Variants in GPRASP1 observed in about 807,000 individuals in gnomAD.
GPRASP1 encodes G protein-coupled receptor-associated sorting protein 1.
GPRASP1 carries 28 observed loss-of-function variants against 68.4 expected under a neutral mutation model. The ratio of observed to expected loss-of-function variants is 0.41; its 90% CI spans 0.30 to 0.56. GPRASP1 has a LOEUF of 0.56. Ranked by LOEUF, GPRASP1 falls within the 20% of genes least tolerant of loss-of-function variation. GPRASP1 has a pLI of 0.29. For synonymous variants in GPRASP1, 304 were observed against 358.2 expected, an observed-to-expected ratio of 0.85 and a Z score of 1.71; for missense variants, 913 against 1,031.5, an observed-to-expected ratio of 0.89 and a Z score of 1.57.
rs1040955075 is a variant in GPRASP1, at chrX:102,652,575, C to A, written c.-480-256C>A. 2.6e-5 allele frequency among the ~76,000 whole-genome samples: 3 copies of A among 113,264 alleles called. No individual in the cohort carries two copies. In the Admixed American group the frequency reaches 2.8e-4, roughly 10 times the overall value. On this transcript the variant is annotated intron_variant, in intron 3 of 5. Coordinates refer to ENST00000537097, the MANE Select transcript of GPRASP1 (RefSeq NM_001184727.2). ...TGCTGCGCAGAGCAAGGGGATGTGG[C>A]GCACCTAGTGGTGAATCCTCAGAAT...
In GPRASP1 at chrX:102,657,635, G is replaced by T. The variant is rs201982508; in HGVS notation, c.3722G>T (p.Cys1241Phe). The T allele has an allele frequency of 3.9e-5, 47 of 1,209,613 alleles. No individual in the cohort carries two copies. The highest frequency in any genetic ancestry group is 5.1e-5 in the Non-Finnish European group (46 of 894,604). ...NIIQTYICKVCEETLAYSVDS... is the reference protein window; with the variant it reads ...NIIQTYICKVFEETLAYSVDS... ...ATTCAGACATACATATGTAAAGTGTGTGAGGAAACCCTTGCTTATAGCGTG... is the reference window on the plus strand; with the variant it reads ...ATTCAGACATACATATGTAAAGTGTTTGAGGAAACCCTTGCTTATAGCGTG... Residue 1241 changes from cysteine (C) to phenylalanine (F), a missense_variant, in exon 6 of 6, where the codon TGT becomes TTT. By Grantham distance (205) the Cys-to-Phe change is radical (BLOSUM62 -2). Coordinates refer to ENST00000537097, the MANE Select transcript of GPRASP1 (RefSeq NM_001184727.2).
rs2081443021 is a variant in GPRASP1 at position 102,658,847 on chromosome X, A to G, written c.*746A>G. ...CAACTGCTGCTTCCATACTACCTAA[A>G]GGGCAAAAGAATAAGACAGGAAAGC... On this transcript the variant is annotated 3_prime_UTR_variant, in exon 6 of 6. Transcript: ENST00000537097. 1 of 122,950 alleles carries G rather than the reference A, an allele frequency of 8.1e-6. No homozygotes were observed. Among genetic ancestry groups the G allele is most frequent in the African/African-American group, 3.3e-5 (1 of 30,712 alleles). The allele number at this position is 122,950 out of a possible 1,213,427, so 10.1% of individuals were successfully genotyped here. A position where few individuals can be genotyped will look rare whatever the true frequency, so the allele number is the denominator to read the frequency against.
Position 102,655,659 on chromosome X carries a change from C to G in GPRASP1, c.1746C>G (p.Ser582=), listed in dbSNP as rs763359790. 8.3e-7 allele frequency: 1 copy of G among 1,211,145 alleles called. No homozygotes were observed. Among genetic ancestry groups the G allele is most frequent in the Non-Finnish European group, 1.1e-6 (1 of 895,292 alleles). The change falls in exon 6 of 6, where the codon TCC becomes TCG. Residue 582 remains serine (S), a synonymous_variant. Coordinates refer to ENST00000537097, the MANE Select transcript of GPRASP1 (RefSeq NM_001184727.2). ...CTGAAGAAGAGACAATATTCGGGTC[C>G]TGGTTTTGGGCTGAAAACCAGACCT... ...PGAEEETIFG[S]WFWAENQTYM...
chrX:102,653,768 G>C lies in GPRASP1; in HGVS notation c.-146G>C. 2.0e-6 allele frequency: 1 copy of C among 509,073 alleles called. No homozygotes were observed. Among genetic ancestry groups the C allele is most frequent in the Non-Finnish European group, 3.4e-6 (1 of 291,001 alleles). The allele number at this position is 509,073 out of a possible 1,213,427, so 42.0% of individuals were successfully genotyped here. On this transcript the variant is annotated 5_prime_UTR_variant, in exon 6 of 6. Coordinates refer to ENST00000537097, the MANE Select transcript of GPRASP1 (RefSeq NM_001184727.2). ...AGGAGGCTGAGTGACTACTGGACTGGATATTGACTCTAACTCTTGTTTCCA... is the reference window on the plus strand; with the variant it reads ...AGGAGGCTGAGTGACTACTGGACTGCATATTGACTCTAACTCTTGTTTCCA...
Position 102,655,255 on chromosome X carries a change from G to C in GPRASP1, c.1342G>C (p.Gly448Arg). Residue 448 changes from glycine (G) to arginine (R), a missense_variant, in exon 6 of 6, where the codon GGG becomes CGG. Transcript: ENST00000537097. ...CTGGACTGAAGAAGAGGCCAGTATG[G>C]GGACTGGGGCTAGCAGTAAATCCAG... is the stretch of plus-strand genomic sequence containing the variant. ...WFWTEEEASMGTGASSKSRPR... is the reference protein window; with the variant it reads ...WFWTEEEASMRTGASSKSRPR... 2 of 1,211,781 alleles carry C rather than the reference G, an allele frequency of 1.7e-6. No individual in the cohort carries two copies. Among genetic ancestry groups the C allele is most frequent in the Non-Finnish European group, 2.2e-6 (2 of 895,223 alleles).
At chrX:102,652,931 G>C (rs1356219799) in intron 4 of GPRASP1, 33 bp downstream of exon 4, 3 of 111,637 alleles carry the variant, frequency 2.7e-5, no homozygotes, top group Non-Finnish European at 3.8e-5. Context: ...CAATTCAGGG[G>C]ACAGTTGGAG....
At position 102,655,300 on chromosome X, in the gene GPRASP1, C is replaced by T. The variant is rs753112472; in HGVS notation, c.1387C>T (p.Arg463Cys). 11 of 1,211,264 alleles carry T rather than the reference C, an allele frequency of 9.1e-6. No homozygotes were observed. The highest frequency in any genetic ancestry group is 1.2e-5 in the Non-Finnish European group (11 of 895,216). Residue 463 changes from arginine to cysteine, a missense_variant, in exon 6 of 6, where the codon CGT (arginine) becomes TGT (cysteine). Arg to Cys is a radical substitution (Grantham distance 180). Coordinates refer to ENST00000537097, the MANE Select transcript of GPRASP1 (RefSeq NM_001184727.2). ...ATCCAGACCAAGGACTGATGGGGAGCGTATTGGTGATTCCTTATTTGGGGC... is the reference window on the plus strand; with the variant it reads ...ATCCAGACCAAGGACTGATGGGGAGTGTATTGGTGATTCCTTATTTGGGGC... Reference protein sequence around the residue: ...SKSRPRTDGERIGDSLFGARE... With the variant: ...SKSRPRTDGECIGDSLFGARE...
At position 102,654,951 on chromosome X, in the gene GPRASP1, G is replaced by A. The variant is rs1313235136; in HGVS notation, c.1038G>A (p.Gly346=). ...AAGCTTGCATTGATTTCATGCCTGGGTCTATAGATGTAATTAAAAAAGAGT... is the reference window on the plus strand; with the variant it reads ...AAGCTTGCATTGATTTCATGCCTGGATCTATAGATGTAATTAAAAAAGAGT... ...KREACIDFMP[G]SIDVIKKESC... Residue 346 remains glycine, a synonymous_variant, in exon 6 of 6, where the codon GGG becomes GGA. Transcript: ENST00000537097. 8.3e-7 allele frequency: 1 copy of A among 1,210,740 alleles called. No homozygotes were observed.
rs1390849464 is a variant in GPRASP1 at position 102,655,867 on chromosome X, G to A, written c.1954G>A (p.Val652Ile). The stretch of plus-strand genomic sequence containing the variant: ...ACCATGTTTTGGAGCCAAAGAAGAG[G>A]TCAGTATGAAGCATGGGACTGGTGT... Reference protein sequence around the residue: ...MIPCFGAKEEVSMKHGTGVRC... With the variant: ...MIPCFGAKEEISMKHGTGVRC... The change falls in exon 6 of 6, where the codon GTC (valine) becomes ATC (isoleucine). Residue 652 changes from valine to isoleucine, a missense_variant. Physicochemically the swap from Val to Ile is conservative, Grantham distance 29. Transcript: ENST00000537097. 8.3e-7 allele frequency: 1 copy of A among 1,211,655 alleles called. No individual in the cohort carries two copies. Among genetic ancestry groups the A allele is most frequent in the Middle Eastern group, 2.3e-4 (1 of 4,354 alleles).
intron 3 of GPRASP1, among the ~76,000 whole-genome samples, 159 bp from the exon 4 acceptor site, chrX:102,652,672 G>A (rs904278884): frequency 8.9e-6 from 1 of 112,939 alleles, no homozygotes; most frequent in Non-Finnish European, 1.9e-5. Flanking sequence ...TTGAAGCAGG[G>A]CCTAAACAAA....
rs377120948 is a variant in GPRASP1, at chrX:102,657,628, A to G, written c.3715A>G (p.Lys1239Glu). Residue 1239 changes from lysine to glutamate, a missense_variant, in exon 6 of 6, where the codon AAA (lysine) becomes GAA (glutamate). Lys to Glu is a moderately conservative substitution (Grantham distance 56). Transcript: ENST00000537097. Reference protein sequence around the residue: ...NLNIIQTYICKVCEETLAYSV... With the variant: ...NLNIIQTYICEVCEETLAYSV... ...AAACATAATTCAGACATACATATGTAAAGTGTGTGAGGAAACCCTTGCTTA... is the reference window on the plus strand; with the variant it reads ...AAACATAATTCAGACATACATATGTGAAGTGTGTGAGGAAACCCTTGCTTA... The G allele has an allele frequency of 8.3e-7, 1 of 1,210,816 alleles. No homozygotes were observed. The highest frequency in any genetic ancestry group is 2.2e-5 in the Admixed American group (1 of 46,082).
At position 102,655,613 on chromosome X, in the gene GPRASP1, G is replaced by A; in HGVS notation, c.1700G>A (p.Gly567Glu). Residue 567 changes from glycine (G) to glutamate (E), a missense_variant, in exon 6 of 6, where the codon GGA becomes GAA. Coordinates refer to ENST00000537097, the MANE Select transcript of GPRASP1 (RefSeq NM_001184727.2). ...GEQVDIEAGI[G>E]EEARPGAEEE... is the part of the protein sequence containing the mutation. ...CAAGTTGATATAGAGGCTGGAATCGGAGAAGAGGCCAGGCCAGGAGCTGAA... is the reference window on the plus strand; with the variant it reads ...CAAGTTGATATAGAGGCTGGAATCGAAGAAGAGGCCAGGCCAGGAGCTGAA... 8.3e-7 allele frequency: 1 copy of A among 1,211,265 alleles called. No individual in the cohort carries two copies. Among genetic ancestry groups the A allele is most frequent in the Non-Finnish European group, 1.1e-6 (1 of 895,225 alleles).
rs755241633 is a variant in GPRASP1, at chrX:102,656,479, G to T, written c.2566G>T (p.Ala856Ser). ...WFWEEEASPE[A>S]VAGVGFESKP... ...CTGGGAAGAAGAGGCCAGTCCGGAG[G>T]CAGTGGCAGGAGTCGGCTTTGAGTC... is the stretch of plus-strand genomic sequence containing the variant. Residue 856 changes from alanine to serine, a missense_variant, in exon 6 of 6, where the codon GCA becomes TCA. Coordinates refer to ENST00000537097, the MANE Select transcript of GPRASP1 (RefSeq NM_001184727.2). 3.3e-6 allele frequency: 4 copies of T among 1,211,526 alleles called. No individual in the cohort carries two copies. Among genetic ancestry groups the T allele is most frequent in the Non-Finnish European group, 4.5e-6 (4 of 895,430 alleles).
At position 102,654,005 on chromosome X, in the gene GPRASP1, A is replaced by G; in HGVS notation, c.92A>G (p.Asp31Gly). Reference protein sequence around the residue: ...EVVGGAEIENDVPLVVRPKVR... With the variant: ...EVVGGAEIENGVPLVVRPKVR... ...GTAGGTGGGGCTGAGATAGAGAATG[A>G]TGTCCCTCTGGTGGTCAGACCCAAG... Residue 31 changes from aspartate to glycine, a missense_variant, in exon 6 of 6, where the codon GAT becomes GGT. By Grantham distance (94) the Asp-to-Gly change is moderately conservative. Transcript: ENST00000537097. 1 of 1,211,418 alleles carries G rather than the reference A, an allele frequency of 8.3e-7. No individual in the cohort carries two copies. Among genetic ancestry groups the G allele is most frequent in the East Asian group, 3.0e-5 (1 of 33,839 alleles).
In GPRASP1 at chrX:102,654,528, T is replaced by G; in HGVS notation, c.615T>G (p.Ser205Arg). ...VDKSVSSLFW[S>R]GDEVTAKFHP... ...AATCTGTGAGTTCCTTGTTCTGGAG[T>G]GGAGATGAGGTCACTGCAAAATTTC... The change falls in exon 6 of 6, where the codon AGT becomes AGG. Residue 205 changes from serine to arginine, a missense_variant. Ser to Arg is a moderately radical substitution (Grantham distance 110). Transcript: ENST00000537097. 8.3e-7 allele frequency: 1 copy of G among 1,210,071 alleles called. No homozygotes were observed. The highest frequency in any genetic ancestry group is 1.1e-6 in the Non-Finnish European group (1 of 894,313).
Position 102,657,724 on chromosome X carries a change from C to A in GPRASP1, c.3811C>A (p.His1271Asn), listed in dbSNP as rs1387894445. ...ACATCTCACTACTACTACTGACTAT[C>A]ACACACTGGTTGCCAATTATATGTC... ...IRHLTTTTDY[H>N]TLVANYMSGF... The change falls in exon 6 of 6, where the codon CAC (histidine) becomes AAC (asparagine). Residue 1271 changes from histidine to asparagine, a missense_variant. Transcript: ENST00000537097. The A allele has an allele frequency of 1.7e-6, 2 of 1,205,261 alleles. No homozygotes were observed. Among genetic ancestry groups the A allele is most frequent in the Non-Finnish European group, 2.2e-6 (2 of 889,593 alleles).
At position 102,657,340 on chromosome X, in the gene GPRASP1, A is replaced by G; in HGVS notation, c.3427A>G (p.Asn1143Asp). Residue 1143 changes from asparagine to aspartate, a missense_variant, in exon 6 of 6, where the codon AAC (asparagine) becomes GAC (aspartate). Asn to Asp is a conservative substitution (Grantham distance 23). Coordinates refer to ENST00000537097, the MANE Select transcript of GPRASP1 (RefSeq NM_001184727.2). ...ESTEPESSSCNCIQCELKIGS... is the reference protein window; with the variant it reads ...ESTEPESSSCDCIQCELKIGS... ...TACAGAGCCTGAGAGTTCATCCTGT[A>G]ACTGCATACAATGTGAGCTGAAAAT... The G allele has an allele frequency of 8.3e-7, 1 of 1,211,299 alleles. No homozygotes were observed. The highest frequency in any genetic ancestry group is 1.1e-6 in the Non-Finnish European group (1 of 895,099).
At chrX:102,651,872 C>T (rs1021319733) in intron 2 of GPRASP1, 139 bp downstream of exon 2, 2 of 113,104 alleles carry the variant, frequency 1.8e-5, no homozygotes, top group Non-Finnish European at 3.8e-5. Context: ...TCCCAGCCAG[C>T]TTTGCAGGCG....
rs1462326190 is a variant in GPRASP1, at chrX:102,657,198, G to A, written c.3285G>A (p.Gly1095=). The A allele has an allele frequency of 2.5e-6, 3 of 1,209,251 alleles. No individual in the cohort carries two copies. The highest frequency in any genetic ancestry group is 3.4e-6 in the Non-Finnish European group (3 of 894,635). ...KPRNMVLSPE[G]EDQESLLQPD... ...GGAACATGGTACTTAGCCCAGAAGG[G>A]GAAGATCAGGAATCTTTGCTTCAGC... The change falls in exon 6 of 6, where the codon GGG becomes GGA. Residue 1095 remains glycine, a synonymous_variant. Coordinates refer to ENST00000537097, the MANE Select transcript of GPRASP1 (RefSeq NM_001184727.2).
Sources: gnomAD v4.1 joint callset for allele counts (sites outside exome capture counted in the v4.1 genomes callset) on GRCh38, gnomAD v4.1.1 for gene constraint, MANE v1.5 for transcripts, NCBI Gene and HGNC (gene_info 2026-07-23, HGNC 2026-07-21) for gene names.